Variants in MAP4 observed in about 807,000 individuals in gnomAD.
MAP4 encodes microtubule associated protein 4.
Under a neutral mutation model 170.2 loss-of-function variants are expected in MAP4, and 76 were observed. The ratio of observed to expected loss-of-function variants is 0.45; its 90% confidence interval spans 0.37 to 0.54. MAP4 has a LOEUF of 0.54. MAP4 is among the 20% of genes least tolerant of loss of function. The probability of loss-of-function intolerance (pLI) is 0.00; values close to 1 mark genes in which losing one functional copy is unlikely to be tolerated. For missense variants in MAP4, 2,506 were observed against 2,748.0 expected, an observed-to-expected ratio of 0.91 and a Z score of 1.97; for synonymous variants, 909 against 994.5, an observed-to-expected ratio of 0.91 and a Z score of 1.62.
chr3:48,080,895 T>A (rs896889614), intron 1 of MAP4, among the ~76,000 whole-genome samples: 1 of 152,010 alleles, frequency 6.6e-6, no homozygotes, highest in Non-Finnish European at 1.5e-5. Context: ...GAGGCCAAGG[T>A]GGGCAGATCA....
At chr3:47,865,905 C>T (rs1367199256) in intron 17 of MAP4, among the ~76,000 whole-genome samples, 1 of 152,178 alleles carries the variant, frequency 6.6e-6, no homozygotes, top group Non-Finnish European at 1.5e-5. Flanking sequence ...AGTAAGACTT[C>T]GCCCTGTCTC....
chr3:47,886,909 CT>C (rs2097685843), intron 10 of MAP4, among the ~76,000 whole-genome samples: 1 of 152,250 alleles, frequency 6.6e-6, no homozygotes, highest in South Asian at 2.1e-4. Flanking sequence ...TTGCTTTCAA[CT>C]CTTTGTCTTC....
At chr3:48,028,292 TG>T (rs952599241) in intron 1 of MAP4, among the ~76,000 whole-genome samples, 8 of 151,002 alleles carry the variant, frequency 5.3e-5, no homozygotes, top group East Asian at 2.0e-4. Flanking sequence ...ACACCATCTC[TG>T]GGGGGGGAGG....
chr3:47,902,923 A>G, intron 10 of MAP4, 27 bp downstream of exon 10: 2 of 976,230 alleles, frequency 2.0e-6, no homozygotes, highest in Non-Finnish European at 2.4e-6. Context: ...AAATTACTTC[A>G]AGTTTCACAC....
At chr3:48,050,316 T>C (rs1322624501) in intron 1 of MAP4, among the ~76,000 whole-genome samples, 2 of 151,646 alleles carry the variant, frequency 1.3e-5, no homozygotes, top group Non-Finnish European at 2.9e-5. Context: ...AAGAAAATAT[T>C]TGTGTTACAT....
At chr3:48,062,511 A>AC (rs1458831654) in intron 1 of MAP4, among the ~76,000 whole-genome samples, 6 of 150,608 alleles carry the variant, frequency 4.0e-5, no homozygotes, top group Non-Finnish European at 7.4e-5. Context: ...AAAAAAAAAA[A>AC]AAAAAACATC....
chr3:47,987,687 T>A (rs1192867710), intron 2 of MAP4, among the ~76,000 whole-genome samples: 3 of 152,214 alleles, frequency 2.0e-5, no homozygotes, highest in African/African-American at 7.2e-5. Flanking sequence ...ACTCCTTCTG[T>A]AGCTTTCCCC....
chr3:47,983,553 AT>A (rs1423916022), intron 2 of MAP4, among the ~76,000 whole-genome samples: 2 of 151,354 alleles, frequency 1.3e-5, no homozygotes, highest in Admixed American at 1.3e-4. Flanking sequence ...TGCCCGGCTA[AT>A]TTTTTGTATT....
chr3:47,928,222 A>G lies in MAP4; in HGVS notation c.415+6T>C, dbSNP rs759411026. The G allele has an allele frequency of 6.2e-7, 1 of 1,614,128 alleles. No individual in the cohort carries two copies. Among genetic ancestry groups the G allele is most frequent in the South Asian group, 1.1e-5 (1 of 91,050 alleles). On this transcript the variant is annotated splice_donor_region_variant and intron_variant, in intron 4 of 20. Transcript: ENST00000683076. ...ATTTAGTAGTCACGAGCAAGCCAACACTTACCAGTCTGGATAGGATCGACC... is the reference window on the plus strand; with the variant it reads ...ATTTAGTAGTCACGAGCAAGCCAACGCTTACCAGTCTGGATAGGATCGACC...
Position 47,889,966 on chromosome 3 carries a change from C to A in MAP4, c.5435-12443G>T, listed in dbSNP as rs563305813. On this transcript the variant is annotated intron_variant, in intron 10 of 20. Transcript: ENST00000683076. ...AAAAAAACCCAAAACATCTGTATGTCTTCTACTTACCACTCCCCTAGAAAA... is the reference window on the plus strand; with the variant it reads ...AAAAAAACCCAAAACATCTGTATGTATTCTACTTACCACTCCCCTAGAAAA... 2.1e-3 allele frequency among the ~76,000 whole-genome samples: 313 copies of A among 150,716 alleles called. 2 individuals carry two copies. Among genetic ancestry groups the A allele is most frequent in the Non-Finnish European group, 1.6e-3 (111 of 67,782 alleles).
chr3:47,927,506 G>A (rs970562975), intron 4 of MAP4, among the ~76,000 whole-genome samples: 6 of 152,052 alleles, frequency 3.9e-5, no homozygotes, highest in South Asian at 4.2e-4. Flanking sequence ...ATGGAGTTTC[G>A]CTCTTGTTGC....
In MAP4 at chr3:47,913,175, C is replaced by G. The variant is rs1034530649; in HGVS notation, c.2000-754G>C. Among the ~76,000 whole-genome samples the G allele has an allele frequency of 6.6e-5, 10 of 152,272 alleles. No homozygotes were observed. In the East Asian group the frequency reaches 1.7e-3, roughly 26 times the overall value. Reference sequence around the variant, plus strand: ...AAGATGAGTACCTTTGGAAGAGTTTCAGCAGGTGATCTGGTCTAACCTTCC... The same window carrying G: ...AAGATGAGTACCTTTGGAAGAGTTTGAGCAGGTGATCTGGTCTAACCTTCC... On this transcript the variant is annotated intron_variant, in intron 8 of 20. Coordinates refer to ENST00000683076, the MANE Select transcript of MAP4 (RefSeq NM_001385682.1).
At chr3:47,999,901 T>C (rs1285902787) in intron 1 of MAP4, among the ~76,000 whole-genome samples, 2 of 141,930 alleles carry the variant, frequency 1.4e-5, no homozygotes, top group African/African-American at 5.3e-5. Flanking sequence ...GCCTAGAAAA[T>C]ACAGAAATAA....
chr3:47,911,595 G>C lies in MAP4; in HGVS notation c.2826C>G (p.Ile942Met), dbSNP rs1394497540. 1 of 1,536,078 alleles carries C rather than the reference G, an allele frequency of 6.5e-7. No homozygotes were observed. Among genetic ancestry groups the C allele is most frequent in the Non-Finnish European group, 8.7e-7 (1 of 1,146,896 alleles). The change falls in exon 9 of 21, where the codon ATC becomes ATG. Residue 942 changes from isoleucine to methionine, a missense_variant. Coordinates refer to ENST00000683076, the MANE Select transcript of MAP4 (RefSeq NM_001385682.1). The surrounding 1 kb of genome is among the most constrained non-coding windows in gnomAD (Gnocchi z 4.0). ...SAYNVETPLD[I>M]RLKEGCSPFL... ...AAGGAGAGCAACCCTCTTTAAGTCT[G>C]ATATCCAAAGGGGTTTCTACATTGT... is the stretch of plus-strand genomic sequence containing the variant.
intron 11 of MAP4, among the ~76,000 whole-genome samples, chr3:47,876,419 C>T (rs2095439699): frequency 6.6e-6 from 1 of 152,152 alleles, no homozygotes; most frequent in Non-Finnish European, 1.5e-5. Context: ...GCGTGAGCCA[C>T]CGCGCCTGGC....
chr3:47,869,368 G>A (rs201888237), intron 15 of MAP4, 41 bp from the exon 16 acceptor site: 8 of 1,356,970 alleles, frequency 5.9e-6, no homozygotes, highest in African/African-American at 1.4e-5. Flanking sequence ...AAACCAAGAG[G>A]ATAAGAGCTC....
intron 3 of MAP4, among the ~76,000 whole-genome samples, chr3:47,965,425 G>T (rs992382027): frequency 1.3e-5 from 2 of 152,138 alleles, no homozygotes; most frequent in African/African-American, 4.8e-5. Context: ...CCAGAAGTTG[G>T]GTTGCTGGAT....
intron 3 of MAP4, among the ~76,000 whole-genome samples, chr3:47,954,021 CAAAA>C (rs201279490): frequency 1.4e-5 from 2 of 138,314 alleles, no homozygotes; most frequent in African/African-American, 2.7e-5. Flanking sequence ...CTCAAAAAAA[CAAAA>C]AAAAAAACAA....
intron 1 of MAP4, among the ~76,000 whole-genome samples, chr3:48,030,485 TAA>T (rs58814432): frequency 0.63 from 92,587 of 145,920 alleles, 29,428 homozygotes; most frequent in East Asian, 0.73. Flanking sequence ...AAAATAAAAA[TAA>T]AAAAAAAAAA....
Sources: allele counts gnomAD v4.1 joint callset (sites outside exome capture counted in the v4.1 genomes callset), GRCh38; gene constraint gnomAD v4.1.1; non-coding constraint Gnocchi (gnomAD v3.1); transcripts MANE v1.5; gene names NCBI Gene and HGNC (gene_info 2026-07-23, HGNC 2026-07-21).